Variants in UBA52 observed in about 807,000 individuals in gnomAD.
UBA52 encodes ubiquitin A-52 residue ribosomal protein fusion product 1, also known as ubiquitin-ribosomal protein eL40 fusion protein.
In UBA52, 1 loss-of-function variant was observed where a neutral mutation model predicts 15.3. The ratio of observed to expected loss-of-function variants is 0.07; its 90% CI spans 0.02 to 0.31. The LOEUF (loss-of-function observed/expected upper bound fraction) is 0.31. Ranked by LOEUF, UBA52 falls within the 10% of genes least tolerant of loss-of-function variation. The pLI is 1.00. For missense variants in UBA52, 87 were observed against 168.0 expected (o/e 0.52, Z 2.66); for synonymous variants, 50 against 58.3 (o/e 0.86, Z 0.65).
At chr19:18,573,001 G>C in intron 1 of UBA52, 1 of 1,231,944 alleles carries the variant, frequency 8.1e-7, no homozygotes, top group South Asian at 1.8e-5. Flanking sequence ...TCCTTCCGCC[G>C]CTAAACCTAA....
intron 3 of UBA52, 131 bp from the exon 4 acceptor site, chr19:18,574,739 C>G: frequency 8.6e-7 from 1 of 1,162,350 alleles, no homozygotes; most frequent in Non-Finnish European, 1.2e-6. Flanking sequence ...GTAGAACACT[C>G]GGGGGATCCC....
chr19:18,571,536 G>A (rs1277480389), upstream of UBA52, among the ~76,000 whole-genome samples: 1 of 152,228 alleles, frequency 6.6e-6, no homozygotes, highest in Non-Finnish European at 1.5e-5. Flanking sequence ...TAATACCTTT[G>A]CTTTATTAGA....
At chr19:18,574,336 C>G (rs894141339) in intron 3 of UBA52, among the ~76,000 whole-genome samples, 6 of 151,978 alleles carry the variant, frequency 3.9e-5, no homozygotes, top group Non-Finnish European at 8.8e-5. Context: ...CTCTGTCACC[C>G]AGGCTGGAGT....
At chr19:18,568,984 C>T (rs887370752), upstream of UBA52, 14 of 296,714 alleles carry the variant, frequency 4.7e-5, no homozygotes, top group African/African-American at 2.6e-4. Context: ...AGCCAGATGT[C>T]CCCCACCACC....
At chr19:18,566,985 G>A (rs1975274266), upstream of UBA52, 1 of 697,566 alleles carries the variant, frequency 1.4e-6, no homozygotes, top group Admixed American at 2.4e-5. Flanking sequence ...CACCTAGAGA[G>A]AGTGAAGATG....
At chr19:18,564,915 A>T in the UBA52 span, 4 of 1,613,658 alleles carry the variant, frequency 2.5e-6, no homozygotes, top group Non-Finnish European at 3.4e-6. Flanking sequence ...CAACTTCAAC[A>T]ACCTGTCCAG....
At chr19:18,569,715 A>G (rs564152581), upstream of UBA52, among the ~76,000 whole-genome samples, 5 of 151,122 alleles carry the variant, frequency 3.3e-5, no homozygotes, top group Non-Finnish European at 7.4e-5. Flanking sequence ...TCCCAGGGTT[A>G]CCTCATCTTC....
chr19:18,568,162 G>A (rs1476603724), upstream of UBA52, among the ~76,000 whole-genome samples: 1 of 151,774 alleles, frequency 6.6e-6, no homozygotes, highest in Non-Finnish European at 1.5e-5. Flanking sequence ...AGCTACTCAG[G>A]AGGTTAAGGC....
chr19:18,566,050 C>G, the UBA52 span, among the ~76,000 whole-genome samples: 1 of 152,114 alleles, frequency 6.6e-6, no homozygotes, highest in Non-Finnish European at 1.5e-5. Context: ...AGGCTCATCT[C>G]GAAGTCCTGG....
Position 18,575,081 on chromosome 19 carries a change from T to G in UBA52, c.318T>G (p.Arg106=). 1.2e-6 allele frequency: 2 copies of G among 1,614,214 alleles called. No individual in the cohort carries two copies. Among genetic ancestry groups the G allele is most frequent in the Non-Finnish European group, 1.7e-6 (2 of 1,180,026 alleles). ...GGTGCTATGCTCGCCTTCACCCTCG[T>G]GCTGTCAACTGCCGCAAGAAGAAGT... ...CRKCYARLHP[R]AVNCRKKKCG... The change falls in exon 5 of 5, where the codon CGT becomes CGG. Residue 106 remains arginine (R), a synonymous_variant. Transcript: ENST00000442744.
chr19:18,567,056 AG>A, upstream of UBA52: 1 of 1,394,660 alleles, frequency 7.2e-7, no homozygotes, highest in Non-Finnish European at 1.0e-6. Flanking sequence ...AGCTGGCAGC[AG>A]GGGCTTGTGG....
At chr19:18,567,166 G>C, upstream of UBA52, 5 of 1,614,214 alleles carry the variant, frequency 3.1e-6, no homozygotes, top group Non-Finnish European at 4.2e-6. Flanking sequence ...GCAGCACCCA[G>C]AGGCCTTCAG....
At chr19:18,564,785 G>C in the UBA52 span, 3 of 1,492,396 alleles carry the variant, frequency 2.0e-6, no homozygotes, top group Non-Finnish European at 2.8e-6. Context: ...GCAGGCAAGG[G>C]CTTGGCATGA....
chr19:18,569,478 G>A (rs1975410612), upstream of UBA52: 3 of 152,738 alleles, frequency 2.0e-5, no homozygotes, highest in Admixed American at 2.0e-4. Context: ...GGGAGGTGCA[G>A]ACAATCAGGC....
At chr19:18,568,172 C>A (rs954820329), upstream of UBA52, among the ~76,000 whole-genome samples, 3 of 149,376 alleles carry the variant, frequency 2.0e-5, no homozygotes, top group Non-Finnish European at 3.0e-5. Flanking sequence ...GAGGTTAAGG[C>A]AGAAGAATCG....
upstream of UBA52, among the ~76,000 whole-genome samples, chr19:18,569,545 A>G (rs1419482666): frequency 3.3e-5 from 5 of 151,912 alleles, no homozygotes; most frequent in Non-Finnish European, 7.4e-5. Context: ...GGTGGGAGCT[A>G]TAACAACCCA....
upstream of UBA52, chr19:18,567,273 C>G (rs1292821463): frequency 2.3e-6 from 3 of 1,303,396 alleles, no homozygotes; most frequent in Non-Finnish European, 3.3e-6. Flanking sequence ...GATACTGAGA[C>G]CAGGCTGTAA....
chr19:18,569,775 T>G (rs1975417910), upstream of UBA52, among the ~76,000 whole-genome samples: 1 of 151,966 alleles, frequency 6.6e-6, no homozygotes, highest in South Asian at 2.1e-4. Flanking sequence ...GGCTCATGCC[T>G]GTAATCCCAG....
At chr19:18,567,206 C>T (rs73529577), upstream of UBA52, 3,140 of 1,612,616 alleles carry the variant, frequency 1.9e-3, 35 homozygotes, top group African/African-American at 0.028. Context: ...TTCCTGCTCC[C>T]GAGCACGTCA....
Sources: gnomAD v4.1 joint callset for allele counts (sites outside exome capture counted in the v4.1 genomes callset) on GRCh38, gnomAD v4.1.1 for gene constraint, MANE v1.5 for transcripts, NCBI Gene and HGNC (gene_info 2026-07-23, HGNC 2026-07-21) for gene names.